RALYL: variants seen among roughly 807,000 people sequenced by gnomAD.
RALYL encodes the protein RALY RNA binding protein like.
In RALYL, 29 loss-of-function variants were observed where a neutral mutation model predicts 35.1. The ratio of observed to expected loss-of-function variants is 0.83; its 90% confidence interval spans 0.61 to 1.13. The LOEUF (loss-of-function observed/expected upper bound fraction) is 1.13. Ranked by LOEUF, RALYL falls within the 50% of genes most tolerant of loss-of-function variation. The pLI is 0.00. For missense variants in RALYL, 359 were observed against 360.4 expected, an observed-to-expected ratio of 1.00 and a Z score of 0.03; for synonymous variants, 120 against 127.6, an observed-to-expected ratio of 0.94 and a Z score of 0.40.
chr8:84,862,905 A>G (rs1342183609), intron 6 of RALYL, among the ~76,000 whole-genome samples: 1 of 152,184 alleles, frequency 6.6e-6, no homozygotes, highest in Non-Finnish European at 1.5e-5. Context: ...ATAATTTACC[A>G]TACAGTGATA....
At chr8:84,247,555 A>T (rs1037907783) in intron 1 of RALYL, among the ~76,000 whole-genome samples, 30 of 152,020 alleles carry the variant, frequency 2.0e-4, no homozygotes, top group East Asian at 1.9e-4. Context: ...AGAAAAAAAA[A>T]CTTGGTGCAA....
At chr8:84,544,081 G>C (rs1300580414) in intron 2 of RALYL, among the ~76,000 whole-genome samples, 1 of 151,920 alleles carries the variant, frequency 6.6e-6, no homozygotes, top group African/African-American at 2.4e-5. Flanking sequence ...ATATTCCAGA[G>C]AATATTCTGT....
In RALYL at chr8:84,487,461, T is replaced by G. The variant is rs1282982608; in HGVS notation, c.-23-41838T>G. 1.5e-4 allele frequency among the ~76,000 whole-genome samples: 23 copies of G among 152,080 alleles called. 1 individual carries two copies. The highest frequency in any genetic ancestry group is 1.3e-3 in the Admixed American group (20 of 15,240). On this transcript the variant is annotated intron_variant, in intron 1 of 8. Coordinates refer to ENST00000521268, the MANE Select transcript of RALYL (RefSeq NM_173848.7). Reference sequence around the variant, plus strand: ...CTTTAGCTGAACCTTTGGCCTATAATAAATATATTCTGGAAATGGTGGTTG... The same window carrying G: ...CTTTAGCTGAACCTTTGGCCTATAAGAAATATATTCTGGAAATGGTGGTTG...
chr8:84,880,591 A>G (rs1232012205), intron 7 of RALYL, among the ~76,000 whole-genome samples: 1 of 151,980 alleles, frequency 6.6e-6, no homozygotes, highest in Non-Finnish European at 1.5e-5. Flanking sequence ...AGATACGCCA[A>G]TACCCAAACC....
intron 1 of RALYL, among the ~76,000 whole-genome samples, chr8:84,330,078 G>T (rs1020354490): frequency 1.3e-5 from 2 of 151,906 alleles, no homozygotes; most frequent in African/African-American, 4.8e-5. Flanking sequence ...AAACAAAAAC[G>T]TGGACATTCA....
intron 1 of RALYL, among the ~76,000 whole-genome samples, chr8:84,414,473 A>G (rs2044419551): frequency 1.3e-5 from 2 of 152,196 alleles, no homozygotes; most frequent in Non-Finnish European, 2.9e-5. Flanking sequence ...AAGAAGAGGT[A>G]AAGTAAATAT....
chr8:84,210,322 G>A (rs370329777), intron 1 of RALYL, among the ~76,000 whole-genome samples: 10 of 151,370 alleles, frequency 6.6e-5, no homozygotes, highest in East Asian at 3.9e-4. Context: ...TTTAAATCCT[G>A]TATTTAATAT....
intron 1 of RALYL, among the ~76,000 whole-genome samples, chr8:84,423,501 C>T (rs1238363091): frequency 6.6e-6 from 1 of 152,054 alleles, no homozygotes; most frequent in Non-Finnish European, 1.5e-5. Context: ...GACTCTTTAT[C>T]CAATTTGCCA....
At chr8:84,346,616 G>A (rs1849879553) in intron 1 of RALYL, among the ~76,000 whole-genome samples, 2 of 151,966 alleles carry the variant, frequency 1.3e-5, no homozygotes, top group Admixed American at 1.3e-4. Flanking sequence ...GTACAGGTGT[G>A]TGCCACCATG....
At chr8:84,192,548 TTTTCTTTTTTTTTTTC>T (rs1229038817) in intron 1 of RALYL, among the ~76,000 whole-genome samples, 1 of 151,090 alleles carries the variant, frequency 6.6e-6, no homozygotes, top group African/African-American at 2.5e-5. Context: ...TGAAACTGAA[TTTTCTTTTTTTTTTTC>T]TTTCTTTTTT....
rs185456491 is a variant in RALYL, at chr8:84,429,118, A to G, written c.-23-100181A>G. On this transcript the variant is annotated intron_variant, in intron 1 of 8. Coordinates refer to ENST00000521268, the MANE Select transcript of RALYL (RefSeq NM_173848.7). Reference sequence around the variant, plus strand: ...GATAGAGAAATGCTGAGTGAGAGGTACTAGGAAGGGGCACGAAAAAGCATA... The same window carrying G: ...GATAGAGAAATGCTGAGTGAGAGGTGCTAGGAAGGGGCACGAAAAAGCATA... 1.5e-3 allele frequency among the ~76,000 whole-genome samples: 227 copies of G among 152,276 alleles called. 2 individuals are homozygous for G. The highest frequency in any genetic ancestry group is 4.5e-3 in the African/African-American group (185 of 41,568).
chr8:84,665,773 C>G (rs1831891258), intron 2 of RALYL: 1 of 151,682 alleles, frequency 6.6e-6, no homozygotes, highest in African/African-American at 2.4e-5. Flanking sequence ...ATACGGAACA[C>G]TTCACAAATT....
intron 2 of RALYL, among the ~76,000 whole-genome samples, chr8:84,755,759 G>T (rs1451276748): frequency 6.6e-6 from 1 of 151,656 alleles, no homozygotes; most frequent in East Asian, 1.9e-4. Context: ...AAATACAAGA[G>T]AATTCTAATT....
intron 2 of RALYL, among the ~76,000 whole-genome samples, chr8:84,598,953 G>C (rs779880010): frequency 6.6e-6 from 1 of 151,936 alleles, no homozygotes; most frequent in Non-Finnish European, 1.5e-5. Context: ...TTGTCTTTTT[G>C]ATCATAGCCA....
chr8:84,281,954 A>G (rs1836660552), intron 1 of RALYL, among the ~76,000 whole-genome samples: 2 of 151,646 alleles, frequency 1.3e-5, no homozygotes, highest in Admixed American at 1.3e-4. Context: ...TGTTGATGCT[A>G]CTCTTCTATT....
At chr8:84,506,867 T>A (rs2057212997) in intron 1 of RALYL, among the ~76,000 whole-genome samples, 1 of 152,150 alleles carries the variant, frequency 6.6e-6, no homozygotes, top group South Asian at 2.1e-4. Context: ...ATAACAGATA[T>A]TTTGCTCTCT....
chr8:84,806,616 ATTAGCATGGC>A (rs1824675477), intron 4 of RALYL, among the ~76,000 whole-genome samples: 1 of 152,152 alleles, frequency 6.6e-6, no homozygotes, highest in African/African-American at 2.4e-5. Flanking sequence ...AAGTGGGAAA[ATTAGCATGGC>A]ACACATAAGA....
intron 1 of RALYL, among the ~76,000 whole-genome samples, chr8:84,377,458 T>G (rs537596055): frequency 2.8e-5 from 4 of 143,212 alleles, no homozygotes; most frequent in African/African-American, 5.5e-5. Context: ...ACTGTTTTTT[T>G]TTTTTTTTTT....
chr8:84,228,186 G>A (rs547937408), intron 1 of RALYL, among the ~76,000 whole-genome samples: 1 of 149,068 alleles, frequency 6.7e-6, no homozygotes, highest in Non-Finnish European at 1.5e-5. Flanking sequence ...ATGTGATTGT[G>A]GTAGTTAATG....
Sources: gnomAD v4.1 joint callset for allele counts (sites outside exome capture counted in the v4.1 genomes callset) on GRCh38, gnomAD v4.1.1 for gene constraint, MANE v1.5 for transcripts, NCBI Gene and HGNC (gene_info 2026-07-23, HGNC 2026-07-21) for gene names.